The following PDE4B variants were observed in gnomAD, a reference collection of about 807,000 sequenced individuals.
PDE4B encodes phosphodiesterase 4B.
In PDE4B, 20 loss-of-function variants were observed where a neutral mutation model predicts 82.2. That is an observed-to-expected ratio of 0.24 (90% CI 0.17 to 0.35). The LOEUF is 0.35. Ranked by LOEUF, PDE4B falls within the 10% of genes least tolerant of loss-of-function variation. PDE4B has a pLI of 1.00. For synonymous variants in PDE4B, 320 were observed against 318.9 expected (o/e 1.00, Z -0.04); for missense variants, 655 against 907.2 (o/e 0.72, Z 3.57).
intron 3 of PDE4B, among the ~76,000 whole-genome samples, chr1:66,242,894 C>T (rs1196118330): frequency 6.6e-6 from 1 of 152,202 alleles, no homozygotes; most frequent in African/African-American, 2.4e-5. Context: ...GTGTCACCAG[C>T]TCAGGGCTGG....
intron 7 of PDE4B, among the ~76,000 whole-genome samples, chr1:66,303,515 G>A (rs568783950): frequency 1.2e-4 from 18 of 152,140 alleles, no homozygotes; most frequent in African/African-American, 2.2e-4. Flanking sequence ...TAAAGTCACC[G>A]TGCTGTGCAA....
intron 3 of PDE4B, among the ~76,000 whole-genome samples, chr1:65,933,944 T>G (rs1157179894): frequency 1.3e-5 from 2 of 152,168 alleles, no homozygotes; most frequent in African/African-American, 4.8e-5. Flanking sequence ...TAGAGAGATG[T>G]GAATTTTAAC....
rs184820553 is a variant in PDE4B, at chr1:65,925,917, C to T, written c.281+7082C>T. On this transcript the variant is annotated intron_variant, in intron 3 of 16. Coordinates refer to ENST00000341517, the MANE Select transcript of PDE4B (RefSeq NM_002600.4). ...TGACCCCACGCCCTCAACCCCTGGC[C>T]CTGCTTGAATTATCACTGAGGCTAC... 2.1e-4 allele frequency among the ~76,000 whole-genome samples: 32 copies of T among 152,200 alleles called. No homozygotes were observed. The East Asian group carries it at 6.2e-3, about 29-fold the overall frequency.
chr1:66,240,453 A>G (rs1048500832), intron 3 of PDE4B, among the ~76,000 whole-genome samples: 2 of 152,234 alleles, frequency 1.3e-5, no homozygotes, highest in African/African-American at 4.8e-5. Flanking sequence ...ACACCGCCTG[A>G]GAAAGGTGGA....
chr1:66,313,844 G>C (rs369752295), intron 7 of PDE4B, among the ~76,000 whole-genome samples: 2 of 152,124 alleles, frequency 1.3e-5, no homozygotes, highest in Non-Finnish European at 2.9e-5. Context: ...GTAATCCTTC[G>C]CAGCAATCCA....
At chr1:66,213,209 G>T (rs1302181667) in intron 3 of PDE4B, among the ~76,000 whole-genome samples, 1 of 152,200 alleles carries the variant, frequency 6.6e-6, no homozygotes, top group African/African-American at 2.4e-5. Context: ...GTGGCATAAT[G>T]TGAATAATTG....
intron 1 of PDE4B, among the ~76,000 whole-genome samples, chr1:65,854,006 G>C (rs1296905750): frequency 1.3e-5 from 2 of 151,958 alleles, no homozygotes; most frequent in African/African-American, 4.8e-5. Context: ...CACTCACATG[G>C]TTTTCTGTGC....
intron 7 of PDE4B, among the ~76,000 whole-genome samples, chr1:66,296,421 G>C (rs1657517864): frequency 1.3e-5 from 2 of 152,124 alleles, no homozygotes; most frequent in South Asian, 4.1e-4. Context: ...GACCCTCATT[G>C]CAATTCTTTT....
chr1:66,367,769 G>T lies in PDE4B; in HGVS notation c.1458G>T (p.Leu486=), dbSNP rs762820022. The T allele has an allele frequency of 1.2e-6, 2 of 1,613,764 alleles. No individual in the cohort carries two copies. Among genetic ancestry groups the T allele is most frequent in the South Asian group, 1.1e-5 (1 of 91,070 alleles). Residue 486 remains leucine, a synonymous_variant, in exon 14 of 17, where the codon CTG becomes CTT. Coordinates refer to ENST00000341517, the MANE Select transcript of PDE4B (RefSeq NM_002600.4). ...ATCACCTTGCTGTGGGTTTCAAACT[G>T]CTGCAAGAAGAACACTGTGACATCT... ...ENHHLAVGFK[L]LQEEHCDIFM...
intron 3 of PDE4B, among the ~76,000 whole-genome samples, chr1:66,032,365 G>A (rs115403654): frequency 0.011 from 1,691 of 152,116 alleles, 36 homozygotes; most frequent in African/African-American, 0.039. Flanking sequence ...TATAATCCTA[G>A]GAGGCTATAG....
chr1:66,280,085 C>G (rs576986016), intron 7 of PDE4B, among the ~76,000 whole-genome samples: 2 of 152,318 alleles, frequency 1.3e-5, no homozygotes, highest in South Asian at 4.1e-4. Flanking sequence ...CCTAGCTCTT[C>G]TACAAACAAG....
At chr1:65,905,319 A>G (rs532383316) in intron 1 of PDE4B, among the ~76,000 whole-genome samples, 1 of 152,280 alleles carries the variant, frequency 6.6e-6, no homozygotes, top group South Asian at 2.1e-4. Context: ...GCAAAGTTGA[A>G]GACATGTTAT....
chr1:65,823,854 C>G (rs187679969), intron 1 of PDE4B, among the ~76,000 whole-genome samples: 1 of 152,190 alleles, frequency 6.6e-6, no homozygotes, highest in African/African-American at 2.4e-5. Flanking sequence ...TCCTTCCATG[C>G]CTGGCCACCC....
intron 1 of PDE4B, among the ~76,000 whole-genome samples, chr1:65,853,738 C>G (rs1204547328): frequency 1.3e-5 from 2 of 152,020 alleles, no homozygotes; most frequent in East Asian, 3.9e-4. Context: ...CCATGTTGGC[C>G]AGAATGGTCT....
chr1:65,811,695 C>G (rs1440936368), intron 1 of PDE4B, among the ~76,000 whole-genome samples: 1 of 151,978 alleles, frequency 6.6e-6, no homozygotes, highest in Non-Finnish European at 1.5e-5. Flanking sequence ...TAGCATAGTA[C>G]AAGACACAAG....
At chr1:65,992,493 A>G (rs1349266312) in intron 3 of PDE4B, 1 of 158,102 alleles carries the variant, frequency 6.3e-6, no homozygotes, top group Non-Finnish European at 1.4e-5. Flanking sequence ...CTTACTATCC[A>G]TTAGTGAATG....
chr1:66,076,249 C>G (rs934116531), intron 3 of PDE4B, among the ~76,000 whole-genome samples: 32 of 152,132 alleles, frequency 2.1e-4, no homozygotes, highest in African/African-American at 7.5e-4. Context: ...TGATGTTTAG[C>G]TCCCACTTGT....
At chr1:65,855,074 T>C (rs982867918) in intron 1 of PDE4B, among the ~76,000 whole-genome samples, 1 of 151,460 alleles carries the variant, frequency 6.6e-6, no homozygotes, top group East Asian at 1.9e-4. Flanking sequence ...AATTTCTCTC[T>C]CATGTGTAAA....
intron 13 of PDE4B, among the ~76,000 whole-genome samples, chr1:66,366,056 G>C (rs2102048686): frequency 1.3e-5 from 2 of 152,226 alleles, no homozygotes; most frequent in African/African-American, 4.8e-5. Flanking sequence ...TATTCATAAA[G>C]AACAATAAAA....
Sources: allele counts gnomAD v4.1 joint callset (sites outside exome capture counted in the v4.1 genomes callset), GRCh38; gene constraint gnomAD v4.1.1; transcripts MANE v1.5; gene names NCBI Gene and HGNC (gene_info 2026-07-23, HGNC 2026-07-21).